The following SOX6 variants were observed in gnomAD, a reference collection of about 807,000 sequenced individuals.
SOX6 encodes SRY-box transcription factor 6.
A neutral mutation model predicts 97.8 loss-of-function variants in SOX6; 11 were observed. That is an observed-to-expected ratio of 0.11 (90% confidence interval 0.07 to 0.19). The LOEUF is 0.19. SOX6 is among the 10% of genes least tolerant of loss of function. SOX6 has a pLI of 1.00. For missense variants in SOX6, 810 were observed against 1,039.5 expected, an observed-to-expected ratio of 0.78 and a Z score of 3.04; for synonymous variants, 360 against 371.4, an observed-to-expected ratio of 0.97 and a Z score of 0.35.
At chr11:16,233,689 A>T (rs1257385757) in intron 4 of SOX6, among the ~76,000 whole-genome samples, 1 of 152,106 alleles carries the variant, frequency 6.6e-6, no homozygotes, top group Non-Finnish European at 1.5e-5. Context: ...TACTTGTATT[A>T]TCCTCATTTT....
chr11:16,523,959 C>A (rs1322887900), intron 4 of SOX6, among the ~76,000 whole-genome samples: 2 of 152,042 alleles, frequency 1.3e-5, no homozygotes, highest in Non-Finnish European at 2.9e-5. Context: ...TGAATAGACC[C>A]ATAACAGGCT....
At position 16,145,669 on chromosome 11, in the gene SOX6, C is replaced by G. The variant is rs1564981257; in HGVS notation, c.778-33746G>C. Among the ~76,000 whole-genome samples the G allele has an allele frequency of 7.2e-5, 11 of 152,282 alleles. No homozygotes were observed. In the South Asian group the frequency reaches 2.3e-3, roughly 32 times the overall value. On this transcript the variant is annotated intron_variant, in intron 6 of 15. Coordinates refer to ENST00000683767, the MANE Select transcript of SOX6 (RefSeq NM_001367873.1). ...TCAGCAAAGTCTCAGGATACAAAAT[C>G]AATGTACAAAAATCACAAGCATTCT... is the stretch of plus-strand genomic sequence containing the variant.
chr11:16,003,431 G>A (rs1051099384), intron 13 of SOX6, among the ~76,000 whole-genome samples: 1 of 151,952 alleles, frequency 6.6e-6, no homozygotes, highest in Non-Finnish European at 1.5e-5. Flanking sequence ...CTGACAGGTG[G>A]CACCCTATGC....
intron 3 of SOX6, among the ~76,000 whole-genome samples, chr11:16,310,600 CT>C (rs1283799280): frequency 6.6e-6 from 1 of 152,006 alleles, no homozygotes; most frequent in Non-Finnish European, 1.5e-5. Context: ...CAGCATTGTT[CT>C]GAATACCCAA....
At chr11:16,346,492 A>G (rs1385777249) in intron 1 of SOX6, among the ~76,000 whole-genome samples, 3 of 152,040 alleles carry the variant, frequency 2.0e-5, no homozygotes. Flanking sequence ...TCATTCCAGT[A>G]AAGTCGGAAG....
intron 1 of SOX6, among the ~76,000 whole-genome samples, chr11:16,424,421 AAAAAAGGCAAGT>A (rs1565140578): frequency 6.6e-6 from 1 of 152,132 alleles, no homozygotes; most frequent in Non-Finnish European, 1.5e-5. Flanking sequence ...ACTGAGACTC[AAAAAAGGCAAGT>A]AACTCGTTCT....
intron 3 of SOX6, among the ~76,000 whole-genome samples, chr11:16,653,203 G>A (rs1847678075): frequency 6.6e-6 from 1 of 152,186 alleles, no homozygotes; most frequent in Non-Finnish European, 1.5e-5. Flanking sequence ...ATGGAAAACA[G>A]TATGGAGATT....
chr11:16,174,044 T>TC lies in SOX6; in HGVS notation c.777+9841_777+9842insG, dbSNP rs1851115001. 4.7e-5 allele frequency among the ~76,000 whole-genome samples: 7 copies of TC among 150,058 alleles called. 1 individual carries two copies. Reference sequence around the variant, plus strand: ...ACCTTTCCTTTGTTTCTTTTTTTTTTTTTTTTGTCCATGAGTGGAGAGTCA... The same window carrying TC: ...ACCTTTCCTTTGTTTCTTTTTTTTTTCTTTTTTGTCCATGAGTGGAGAGTCA... On this transcript the variant is annotated intron_variant, in intron 6 of 15. Coordinates refer to ENST00000683767, the MANE Select transcript of SOX6 (RefSeq NM_001367873.1).
chr11:16,270,431 AAC>A (rs1232619619), intron 3 of SOX6, among the ~76,000 whole-genome samples: 2 of 151,398 alleles, frequency 1.3e-5, no homozygotes, highest in Non-Finnish European at 3.0e-5. Context: ...CACTGTGGAA[AAC>A]AGTTTTGCAA....
chr11:16,377,760 G>A (rs935522487), intron 1 of SOX6, among the ~76,000 whole-genome samples: 7 of 152,118 alleles, frequency 4.6e-5, no homozygotes, highest in African/African-American at 7.2e-5. Flanking sequence ...CAATTTCGAT[G>A]TATCTTTTAC....
chr11:16,614,827 G>T (rs1339359242), intron 3 of SOX6, among the ~76,000 whole-genome samples: 3 of 152,060 alleles, frequency 2.0e-5, no homozygotes, highest in African/African-American at 7.2e-5. Flanking sequence ...AAATTGAGAA[G>T]AATTCTATTT....
intron 6 of SOX6, among the ~76,000 whole-genome samples, chr11:16,132,505 A>AAAGAAAGAAAGAAAGAAAGAAAGCAAGC (rs1451899878): frequency 1.2e-5 from 1 of 86,152 alleles, no homozygotes; most frequent in African/African-American, 4.1e-5. Flanking sequence ...AGAAAGAAAG[A>AAAGAAAGAAAGAAAGAAAGAAAGCAAGC]AAGCTTATCT....
intron 3 of SOX6, among the ~76,000 whole-genome samples, chr11:16,626,898 G>A (rs1486758478): frequency 6.6e-6 from 1 of 152,182 alleles, no homozygotes; most frequent in Admixed American, 6.5e-5. Context: ...TGATGCTGAG[G>A]TTTGGGGTAC....
intron 15 of SOX6, among the ~76,000 whole-genome samples, chr11:15,979,866 C>T (rs977345238): frequency 1.3e-5 from 2 of 152,036 alleles, no homozygotes; most frequent in Non-Finnish European, 2.9e-5. Context: ...CCCTACTTTA[C>T]TTTGTTCTAA....
chr11:16,246,246 T>C (rs1423847875), intron 3 of SOX6, among the ~76,000 whole-genome samples: 1 of 151,684 alleles, frequency 6.6e-6, no homozygotes, highest in African/African-American at 2.4e-5. Flanking sequence ...TCATTATACA[T>C]GGTTATTGTT....
At chr11:16,231,848 A>G (rs952239218) in intron 4 of SOX6, among the ~76,000 whole-genome samples, 1 of 151,808 alleles carries the variant, frequency 6.6e-6, no homozygotes, top group African/African-American at 2.4e-5. Flanking sequence ...AATTCATAAT[A>G]TATCATTAAG....
At chr11:16,372,735 C>T (rs1857524191) in intron 1 of SOX6, among the ~76,000 whole-genome samples, 1 of 152,006 alleles carries the variant, frequency 6.6e-6, no homozygotes, top group East Asian at 1.9e-4. Context: ...ATTAACCACC[C>T]TTGAGATGTT....
At chr11:16,017,984 T>C (rs1389682710) in intron 12 of SOX6, among the ~76,000 whole-genome samples, 2 of 152,094 alleles carry the variant, frequency 1.3e-5, no homozygotes, top group Non-Finnish European at 2.9e-5. Flanking sequence ...TACTTATGCA[T>C]TGTCAGTCAC....
intron 3 of SOX6, among the ~76,000 whole-genome samples, chr11:16,637,257 A>G (rs1005103467): frequency 6.6e-5 from 10 of 152,108 alleles, no homozygotes; most frequent in Non-Finnish European, 1.5e-4. Flanking sequence ...GTCTTGCTCT[A>G]TCGCCCAGGC....
Sources: allele counts gnomAD v4.1 joint callset (sites outside exome capture counted in the v4.1 genomes callset), GRCh38; gene constraint gnomAD v4.1.1; transcripts MANE v1.5; gene names NCBI Gene and HGNC (gene_info 2026-07-23, HGNC 2026-07-21).